Variants in SYT1 observed in about 807,000 individuals in gnomAD.
SYT1 encodes the protein synaptotagmin-1.
Under a neutral mutation model 44.8 loss-of-function variants are expected in SYT1, and 8 were observed. The ratio of observed to expected loss-of-function variants is 0.18; its 90% CI spans 0.10 to 0.32. The LOEUF is 0.32. Among genes scored for constraint, SYT1 ranks in the 10% least tolerant of loss-of-function variants. SYT1 has a pLI of 1.00. For missense variants in SYT1, 286 were observed against 509.3 expected, an observed-to-expected ratio of 0.56 and a Z score of 4.22; for synonymous variants, 154 against 188.8, an observed-to-expected ratio of 0.82 and a Z score of 1.51.
intron 3 of SYT1, among the ~76,000 whole-genome samples, chr12:79,196,334 A>C (rs1873457894): frequency 6.6e-6 from 1 of 151,850 alleles, no homozygotes; most frequent in Non-Finnish European, 1.5e-5. Flanking sequence ...TGCCCAGCAA[A>C]TTTTTGTGTT....
At chr12:78,999,776 T>C (rs1179390989) in intron 2 of SYT1, among the ~76,000 whole-genome samples, 2 of 152,122 alleles carry the variant, frequency 1.3e-5, no homozygotes, top group East Asian at 3.9e-4. Context: ...GAGGGGACCA[T>C]CACAAGGTGT....
chr12:78,878,609 A>G (rs1874295691), intron 1 of SYT1, among the ~76,000 whole-genome samples: 1 of 151,742 alleles, frequency 6.6e-6, no homozygotes, highest in East Asian at 1.9e-4. Flanking sequence ...ACTCCAAGAC[A>G]CCATTAGCCA....
At chr12:79,176,267 C>A (rs995303571) in intron 3 of SYT1, among the ~76,000 whole-genome samples, 5 of 134,982 alleles carry the variant, frequency 3.7e-5, no homozygotes, top group South Asian at 4.6e-4. Context: ...CCAGCCTGGG[C>A]AACAAGAGCG....
At chr12:79,037,527 T>C (rs1873211959) in intron 2 of SYT1, among the ~76,000 whole-genome samples, 1 of 151,764 alleles carries the variant, frequency 6.6e-6, no homozygotes. Context: ...CTTTTTAAAA[T>C]CTTTGTTACT....
chr12:79,049,029 A>G (rs1414155270), intron 3 of SYT1, among the ~76,000 whole-genome samples: 1 of 151,914 alleles, frequency 6.6e-6, no homozygotes, highest in Non-Finnish European at 1.5e-5. Context: ...AATTTTTTAA[A>G]CTGACAGGAC....
chr12:79,096,526 C>T (rs1182862018), intron 3 of SYT1, among the ~76,000 whole-genome samples: 1 of 151,922 alleles, frequency 6.6e-6, no homozygotes, highest in African/African-American at 2.4e-5. Context: ...CTTAACACTT[C>T]CTGGGGCAGC....
At chr12:79,389,108 A>G (rs1240046734) in intron 9 of SYT1, among the ~76,000 whole-genome samples, 1 of 152,236 alleles carries the variant, frequency 6.6e-6, no homozygotes, top group East Asian at 1.9e-4. Flanking sequence ...CAACAGAATT[A>G]TATGTAATCA....
chr12:79,106,031 A>C (rs1236344057), intron 3 of SYT1, among the ~76,000 whole-genome samples: 1 of 152,206 alleles, frequency 6.6e-6, no homozygotes, highest in African/African-American at 2.4e-5. Flanking sequence ...AGAATATATA[A>C]TTGAAATACA....
intron 1 of SYT1, among the ~76,000 whole-genome samples, chr12:78,942,419 T>A (rs1037284765): frequency 6.6e-6 from 1 of 152,132 alleles, no homozygotes; most frequent in Admixed American, 6.6e-5. Flanking sequence ...AGACTCCAAA[T>A]CTTTCTCATG....
chr12:78,977,644 C>T (rs1462384686), intron 1 of SYT1, 155 bp from the exon 2 acceptor site: 1 of 152,204 alleles, frequency 6.6e-6, no homozygotes, highest in Non-Finnish European at 1.5e-5. Context: ...CCCAGCACAA[C>T]CAGGAATTGA....
chr12:78,872,117 C>T (rs1424839766), intron 1 of SYT1, among the ~76,000 whole-genome samples: 4 of 151,886 alleles, frequency 2.6e-5, no homozygotes, highest in Non-Finnish European at 5.9e-5. Flanking sequence ...CAAGCATTCA[C>T]CTTGAGCTAC....
At chr12:79,008,591 T>G (rs183000507) in intron 2 of SYT1, among the ~76,000 whole-genome samples, 1 of 152,194 alleles carries the variant, frequency 6.6e-6, no homozygotes, top group Non-Finnish European at 1.5e-5. Context: ...GAGAACGATA[T>G]GAAGTAGTTA....
intron 9 of SYT1, among the ~76,000 whole-genome samples, chr12:79,358,122 T>C (rs556206648): frequency 6.6e-6 from 1 of 152,316 alleles, no homozygotes; most frequent in African/African-American, 2.4e-5. Flanking sequence ...TCTCAGAAAT[T>C]TGACACGTCT....
intron 3 of SYT1, among the ~76,000 whole-genome samples, chr12:79,059,924 T>C (rs79809704): frequency 1.3e-3 from 192 of 152,268 alleles, no homozygotes; most frequent in African/African-American, 4.4e-3. Context: ...TCAAAATAAC[T>C]AGCTTATATA....
chr12:79,314,480 G>C (rs1298920540), intron 8 of SYT1, among the ~76,000 whole-genome samples: 1 of 152,192 alleles, frequency 6.6e-6, no homozygotes, highest in Admixed American at 6.5e-5. Context: ...TGTGACCTCA[G>C]TGATTGTGCA....
intron 2 of SYT1, among the ~76,000 whole-genome samples, chr12:78,994,694 C>A (rs765952718): frequency 3.3e-5 from 5 of 151,826 alleles, no homozygotes; most frequent in Non-Finnish European, 7.4e-5. Flanking sequence ...TGCCACTGTG[C>A]CCAGCTAATT....
chr12:79,313,058 A>G (rs1880889167), intron 8 of SYT1, among the ~76,000 whole-genome samples: 1 of 152,234 alleles, frequency 6.6e-6, no homozygotes, highest in Admixed American at 6.5e-5. Flanking sequence ...CATAAGTCAG[A>G]AAAACTTACA....
At chr12:79,426,827 C>A (rs548149330) in intron 9 of SYT1, among the ~76,000 whole-genome samples, 27 of 152,320 alleles carry the variant, frequency 1.8e-4, no homozygotes, top group African/African-American at 6.5e-4. Flanking sequence ...TCCCCATAAT[C>A]CCCACATGTC....
chr12:79,123,330 T>TGA (rs1280714929), intron 3 of SYT1, among the ~76,000 whole-genome samples: 2 of 151,528 alleles, frequency 1.3e-5, no homozygotes, highest in African/African-American at 2.4e-5. Flanking sequence ...TGTGTGTGTG[T>TGA]GTGTGTGTGT....
Sources: allele counts gnomAD v4.1 joint callset (sites outside exome capture counted in the v4.1 genomes callset), GRCh38; gene constraint gnomAD v4.1.1; transcripts MANE v1.5; gene names NCBI Gene and HGNC (gene_info 2026-07-23, HGNC 2026-07-21).